The following PARD3B variants were observed in gnomAD, a reference collection of about 807,000 sequenced individuals.
PARD3B encodes the protein par-3 family cell polarity regulator beta, also known as partitioning defective 3 homolog B.
Under a neutral mutation model 130.2 loss-of-function variants are expected in PARD3B, and 103 were observed. The observed-to-expected ratio is 0.79, with a 90% CI of 0.67 to 0.93. PARD3B has a LOEUF of 0.93. Among genes scored for constraint, PARD3B ranks in the 40% least tolerant of loss-of-function variants. The pLI, the probability that PARD3B is intolerant of heterozygous loss-of-function variation, is 0.00. For missense variants in PARD3B, 1,609 were observed against 1,499.2 expected, an observed-to-expected ratio of 1.07 and a Z score of -1.21; for synonymous variants, 583 against 553.2, an observed-to-expected ratio of 1.05 and a Z score of -0.76.
chr2:204,617,907 G>A (rs888513441), intron 1 of PARD3B, among the ~76,000 whole-genome samples: 3 of 152,178 alleles, frequency 2.0e-5, no homozygotes, highest in Non-Finnish European at 4.4e-5. Flanking sequence ...AGTATTCTGT[G>A]ATGTATATGT....
At position 205,473,679 on chromosome 2, in the gene PARD3B, T is replaced by G. The variant is rs2048919672; in HGVS notation, c.3045-26217T>G. 1.1e-5 allele frequency among the ~76,000 whole-genome samples: 1 copy of G among 87,356 alleles called. No homozygotes were observed. The highest frequency in any genetic ancestry group is 3.4e-4 in the South Asian group (1 of 2,916). The allele number at this position is 87,356 out of a possible 152,430, so 57.3% of individuals were successfully genotyped here. ...ATGTGTGTGTGTGTGTGTGTGTGTG[T>G]GTATGTATATATATATATATATATA... On this transcript the variant is annotated intron_variant, in intron 20 of 22. Coordinates refer to ENST00000406610, the MANE Select transcript of PARD3B (RefSeq NM_001302769.2). The surrounding 1 kb of genome is among the most constrained non-coding windows in gnomAD (Gnocchi z 4.9).
chr2:205,171,860 C>T (rs1300175786), intron 11 of PARD3B, among the ~76,000 whole-genome samples: 1 of 152,220 alleles, frequency 6.6e-6, no homozygotes, highest in South Asian at 2.1e-4. Flanking sequence ...TCCAAACCCC[C>T]TTCCCTTGAG....
In PARD3B at chr2:205,575,378, A is replaced by G. The variant is rs1399500837; in HGVS notation, c.3260+21975A>G. Among the ~76,000 whole-genome samples the G allele has an allele frequency of 6.6e-6, 1 of 151,658 alleles. No individual in the cohort carries two copies. The highest frequency in any genetic ancestry group is 1.5e-5 in the Non-Finnish European group (1 of 67,952). On this transcript the variant is annotated intron_variant, in intron 22 of 22. Transcript: ENST00000406610. The surrounding 1 kb of genome is among the most constrained non-coding windows in gnomAD (Gnocchi z 4.6). ...TCTGATGACCCTGCATTGACACATC[A>G]TAATCACCCAAAGCCCATAGTTTAC...
chr2:204,577,234 ATAGGAATACC>A (rs1159556195), intron 1 of PARD3B, among the ~76,000 whole-genome samples: 3 of 152,240 alleles, frequency 2.0e-5, no homozygotes, highest in Admixed American at 6.5e-5. Context: ...TGATATGATG[ATAGGAATACC>A]TAGTGTTTAA....
chr2:204,578,330 C>T (rs1304844203), intron 1 of PARD3B, among the ~76,000 whole-genome samples: 1 of 152,160 alleles, frequency 6.6e-6, no homozygotes, highest in Non-Finnish European at 1.5e-5. Context: ...ACTCTGCTTG[C>T]GTGGACTCAC....
intron 18 of PARD3B, among the ~76,000 whole-genome samples, chr2:205,389,698 G>A (rs1465042234): frequency 1.3e-5 from 2 of 152,136 alleles, no homozygotes; most frequent in African/African-American, 2.4e-5. Flanking sequence ...AAGATGTGTA[G>A]CGTCAAAACT....
chr2:205,498,016 A>AACACACAC (rs57531393), intron 20 of PARD3B, among the ~76,000 whole-genome samples: 25,174 of 141,792 alleles, frequency 0.18, 2,619 homozygotes, highest in Middle Eastern at 0.29. Context: ...GTCTCTACTA[A>AACACACAC]ACACACACAC....
intron 18 of PARD3B, among the ~76,000 whole-genome samples, chr2:205,319,414 A>G (rs2042672951): frequency 6.6e-6 from 1 of 152,172 alleles, no homozygotes; most frequent in Non-Finnish European, 1.5e-5. Context: ...TTTCAACCCT[A>G]TACATCCACA....
chr2:204,911,434 A>T (rs1396922554), intron 2 of PARD3B, among the ~76,000 whole-genome samples: 1 of 152,220 alleles, frequency 6.6e-6, no homozygotes, highest in Non-Finnish European at 1.5e-5. Flanking sequence ...GGAAACCAGG[A>T]TACCACTTGT....
intron 16 of PARD3B, among the ~76,000 whole-genome samples, chr2:205,297,957 G>T (rs959717038): frequency 1.3e-5 from 2 of 152,158 alleles, no homozygotes; most frequent in Non-Finnish European, 2.9e-5. Context: ...TGTTCAGTTT[G>T]CTTAGAATGA....
intron 15 of PARD3B, among the ~76,000 whole-genome samples, chr2:205,210,647 A>G (rs1427896905): frequency 2.6e-5 from 4 of 152,260 alleles, no homozygotes; most frequent in Middle Eastern, 3.4e-3. Context: ...CTTTTGATTC[A>G]TATGACCAGT....
intron 14 of PARD3B, among the ~76,000 whole-genome samples, chr2:205,192,890 G>A (rs12469415): frequency 0.23 from 34,262 of 152,098 alleles, 4,451 homozygotes; most frequent in Middle Eastern, 0.3. Flanking sequence ...TGAAGTGCTA[G>A]TGTTTTCCAG....
At chr2:204,579,350 C>G (rs2032429421) in intron 1 of PARD3B, among the ~76,000 whole-genome samples, 1 of 151,810 alleles carries the variant, frequency 6.6e-6, no homozygotes, top group Admixed American at 6.6e-5. Context: ...CTCTTGTGCC[C>G]CTCGAGCAGC....
At chr2:205,478,509 G>A (rs948608048) in intron 20 of PARD3B, among the ~76,000 whole-genome samples, 2 of 152,148 alleles carry the variant, frequency 1.3e-5, no homozygotes, top group African/African-American at 4.8e-5. Context: ...TTTACCCAGA[G>A]CCGGGCTTCA....
At chr2:204,629,917 T>C (rs891630517) in intron 1 of PARD3B, among the ~76,000 whole-genome samples, 1 of 152,198 alleles carries the variant, frequency 6.6e-6, no homozygotes, top group Non-Finnish European at 1.5e-5. Context: ...TTAACAAATA[T>C]ACCGAAAAGT....
At chr2:205,148,284 T>C (rs2033510307) in intron 10 of PARD3B, among the ~76,000 whole-genome samples, 1 of 152,186 alleles carries the variant, frequency 6.6e-6, no homozygotes, top group Non-Finnish European at 1.5e-5. Flanking sequence ...TACTATTTAG[T>C]ATAATAAAAA....
intron 4 of PARD3B, among the ~76,000 whole-genome samples, chr2:205,086,311 G>A (rs562515585): frequency 1.3e-5 from 2 of 152,302 alleles, no homozygotes; most frequent in African/African-American, 4.8e-5. Flanking sequence ...AAGCCATATA[G>A]TGCAGACATA....
intron 22 of PARD3B, among the ~76,000 whole-genome samples, chr2:205,556,078 C>T (rs2052869788): frequency 6.6e-6 from 1 of 152,054 alleles, no homozygotes; most frequent in African/African-American, 2.4e-5. Context: ...CCAGCTCCAC[C>T]GCTGTCTCCT....
intron 18 of PARD3B, among the ~76,000 whole-genome samples, chr2:205,306,528 A>G: frequency 6.6e-6 from 1 of 152,188 alleles, no homozygotes; most frequent in South Asian, 2.1e-4. Context: ...AGATGATTTG[A>G]TTTGGCATGT....
Sources: gnomAD v4.1 joint callset for allele counts (sites outside exome capture counted in the v4.1 genomes callset) on GRCh38, gnomAD v4.1.1 for gene constraint, Gnocchi (gnomAD v3.1) non-coding constraint, MANE v1.5 for transcripts, NCBI Gene and HGNC (gene_info 2026-07-23, HGNC 2026-07-21) for gene names.